The following NR4A3 variants were observed in gnomAD, a reference collection of about 807,000 sequenced individuals.
NR4A3 encodes chondrosarcoma, extraskeletal myxoid, fused to EWS.
A neutral mutation model predicts 55.6 loss-of-function variants in NR4A3; 13 were observed. The ratio of observed to expected loss-of-function variants is 0.23; its 90% CI spans 0.15 to 0.37. The LOEUF is 0.37. Ranked by LOEUF, NR4A3 falls within the 10% of genes least tolerant of loss-of-function variation. The probability of loss-of-function intolerance (pLI) is 1.00; values close to 1 mark genes in which losing one functional copy is unlikely to be tolerated. For missense variants in NR4A3, 646 were observed against 822.8 expected (o/e 0.79, Z 2.63); for synonymous variants, 342 against 357.9 (o/e 0.96, Z 0.50).
At chr9:99,861,608 C>CA (rs1564040750) in intron 7 of NR4A3, among the ~76,000 whole-genome samples, 1 of 152,182 alleles carries the variant, frequency 6.6e-6, no homozygotes, top group East Asian at 1.9e-4. Context: ...TCTCCTTTTA[C>CA]AGGGCCCCAA....
rs1209533874 is a variant in NR4A3, at chr9:99,847,600, C to T, written c.1618C>T (p.Leu540=). ...CCAAGCCTTAGCCTGCCTGTCAGCA[C>T]TGAGCATGATCACAGGTAAGCACCA... ...DIQALACLSA[L]SMITERHGLK... Residue 540 remains leucine, a synonymous_variant, in exon 7 of 8, where the codon CTG becomes TTG. Coordinates refer to ENST00000395097, the MANE Select transcript of NR4A3 (RefSeq NM_006981.4). 2.5e-6 allele frequency: 4 copies of T among 1,613,968 alleles called. No individual in the cohort carries two copies. The highest frequency in any genetic ancestry group is 2.7e-5 in the African/African-American group (2 of 74,912).
intron 3 of NR4A3, among the ~76,000 whole-genome samples, chr9:99,830,261 C>T (rs1047911317): frequency 3.9e-5 from 6 of 152,206 alleles, no homozygotes; most frequent in Non-Finnish European, 7.3e-5. Flanking sequence ...CCTTGATCTT[C>T]CACCTTCCAA....
In NR4A3 at chr9:99,863,915, G is replaced by A; in HGVS notation, c.*48G>A. On this transcript the variant is annotated 3_prime_UTR_variant, in exon 8 of 8. Transcript: ENST00000395097. ...CTGCCTCCTCTCCTAGCACCTGCTT[G>A]CTACGCAGCAAAGGGATAGGTTTGG... The A allele has an allele frequency of 6.4e-7, 1 of 1,571,634 alleles. No individual in the cohort carries two copies. Among genetic ancestry groups the A allele is most frequent in the South Asian group, 1.2e-5 (1 of 84,702 alleles).
At chr9:99,846,822 A>G (rs1055049305) in intron 6 of NR4A3, among the ~76,000 whole-genome samples, 3 of 152,184 alleles carry the variant, frequency 2.0e-5, no homozygotes, top group East Asian at 1.9e-4. Context: ...TAATTTTTGT[A>G]TTTTTAGTAG....
chr9:99,845,181 C>T (rs1433110955), intron 6 of NR4A3, among the ~76,000 whole-genome samples: 1 of 152,140 alleles, frequency 6.6e-6, no homozygotes, highest in African/African-American at 2.4e-5. Context: ...CTATGATTCT[C>T]GAAAGATTCT....
At position 99,828,202 on chromosome 9, in the gene NR4A3, T is replaced by A. The variant is rs1448180819; in HGVS notation, c.160T>A (p.Ser54Thr). The A allele has an allele frequency of 6.2e-7, 1 of 1,613,998 alleles. No individual in the cohort carries two copies. The change falls in exon 3 of 8, where the codon TCC becomes ACC. Residue 54 changes from serine (S) to threonine (T), a missense_variant. This residue lies in a region of NR4A3 where 426 missense variants were observed against 429.4 expected (regional missense o/e 0.99). Coordinates refer to ENST00000395097, the MANE Select transcript of NR4A3 (RefSeq NM_006981.4). The surrounding 1 kb of genome is among the most constrained non-coding windows in gnomAD (Gnocchi z 7.7). ...TGAGATCACGGCTACAGCCACCACG[T>A]CCCTGCCCAGCATCAGTACCTTCGT... ...STEITATATT[S>T]LPSISTFVEG... is the part of the protein sequence containing the mutation.
At chr9:99,830,536 G>A (rs938829427) in intron 3 of NR4A3, among the ~76,000 whole-genome samples, 3 of 152,188 alleles carry the variant, frequency 2.0e-5, no homozygotes, top group African/African-American at 7.2e-5. Context: ...ATTCTGCAGA[G>A]AAATGAGAAA....
At chr9:99,856,063 G>C (rs1444415945) in intron 7 of NR4A3, among the ~76,000 whole-genome samples, 1 of 152,146 alleles carries the variant, frequency 6.6e-6, no homozygotes, top group Non-Finnish European at 1.5e-5. Context: ...CTGGTTTCAT[G>C]GAAGACAATT....
chr9:99,846,635 C>T (rs181117314), intron 6 of NR4A3, among the ~76,000 whole-genome samples: 4 of 152,244 alleles, frequency 2.6e-5, no homozygotes, highest in Non-Finnish European at 5.9e-5. Context: ...CTGGCACTTA[C>T]AGGGACTTGA....
At position 99,836,232 on chromosome 9, in the gene NR4A3, C is replaced by CCTGTTA. The variant is rs749721504; in HGVS notation, c.1254+2778_1254+2779insCTGTTA. Among the ~76,000 whole-genome samples, 499 of 152,216 alleles carry CCTGTTA rather than the reference C, an allele frequency of 3.3e-3. 2 individuals are homozygous for CCTGTTA. The highest frequency in any genetic ancestry group is 5.0e-3 in the Non-Finnish European group (337 of 68,006). ...TTGGAACAGGAAGGGCTGAAACCAT[C>CCTGTTA]ACAAAGAAAGTTAACAAAAATAAAT... On this transcript the variant is annotated intron_variant, in intron 5 of 7. Transcript: ENST00000395097.
intron 5 of NR4A3, among the ~76,000 whole-genome samples, chr9:99,835,606 C>A (rs1486134501): frequency 6.6e-6 from 1 of 152,166 alleles, no homozygotes; most frequent in African/African-American, 2.4e-5. Context: ...TTTGAAAGCA[C>A]AATAGATGGT....
chr9:99,828,788 A>C lies in NR4A3; in HGVS notation c.746A>C (p.Lys249Thr). ...ESHPYGLPLAKRAAPLAFPPL... is the reference protein window; with the variant it reads ...ESHPYGLPLATRAAPLAFPPL... ...CACCCGTACGGGCTGCCGCTGGCCA[A>C]GAGGGCGGCCCCGCTGGCCTTCCCG... Residue 249 changes from lysine to threonine, a missense_variant, in exon 3 of 8, where the codon AAG becomes ACG. Physicochemically the swap from Lys to Thr is moderately conservative, Grantham distance 78 (BLOSUM62 -1). This residue lies in a region of NR4A3 where 426 missense variants were observed against 429.4 expected (regional missense o/e 0.99). Transcript: ENST00000395097. This position sits in a 1 kb window ranked among gnomAD's most constrained non-coding sequence, Gnocchi z 7.7. 6.8e-7 allele frequency: 1 copy of C among 1,460,750 alleles called. No homozygotes were observed. Among genetic ancestry groups the C allele is most frequent in the Non-Finnish European group, 9.0e-7 (1 of 1,109,858 alleles). 90.5% of individuals were successfully genotyped at this position (1,460,750 alleles called of 1,614,324 possible).
intron 7 of NR4A3, 42 bp downstream of exon 7, chr9:99,847,657 T>G: frequency 1.9e-6 from 3 of 1,587,900 alleles, no homozygotes; most frequent in Non-Finnish European, 2.6e-6. Context: ...ATTTCTCTCC[T>G]TCCCTTTGTT....
intron 3 of NR4A3, 78 bp downstream of exon 3, chr9:99,829,071 C>G: frequency 2.4e-6 from 3 of 1,251,330 alleles, no homozygotes; most frequent in South Asian, 5.8e-5. Flanking sequence ...TAGGAGCATC[C>G]TTGTTCTTCC....
chr9:99,824,213 C>T (rs1419198523), intron 1 of NR4A3, among the ~76,000 whole-genome samples: 2 of 152,126 alleles, frequency 1.3e-5, no homozygotes, highest in African/African-American at 4.8e-5. Context: ...GGAGGAAAGG[C>T]TGTGTGGGTC....
intron 7 of NR4A3, among the ~76,000 whole-genome samples, chr9:99,856,989 T>A (rs1278174163): frequency 6.6e-6 from 1 of 152,250 alleles, no homozygotes; most frequent in Non-Finnish European, 1.5e-5. Context: ...TTATTTTGTT[T>A]AATGTTGCTT....
intron 5 of NR4A3, among the ~76,000 whole-genome samples, chr9:99,838,087 G>A (rs377398419): frequency 1.1e-4 from 17 of 152,136 alleles, no homozygotes; most frequent in Non-Finnish European, 1.6e-4. Context: ...AACATGTCAC[G>A]TTTGATTTGT....
In NR4A3 at chr9:99,833,467, A is replaced by C. The variant is rs139234134; in HGVS notation, c.1254+13A>C. ...TGATTATTCCAGAGTAAGTTTTATG[A>C]TTTCCTGCTTTCAAATGAATGATCA... On this transcript the variant is annotated intron_variant, in intron 5 of 7. Transcript: ENST00000395097. 9.2e-5 allele frequency: 149 copies of C among 1,614,048 alleles called. No individual in the cohort carries two copies. The African/African-American group carries it at 1.8e-3, about 19-fold the overall frequency.
At chr9:99,824,580 C>T (rs1827256422) in intron 1 of NR4A3, among the ~76,000 whole-genome samples, 1 of 152,202 alleles carries the variant, frequency 6.6e-6, no homozygotes. Flanking sequence ...AGCCCCGAGT[C>T]CCTTTCTCTC....
Sources: allele counts gnomAD v4.1 joint callset (sites outside exome capture counted in the v4.1 genomes callset), GRCh38; gene constraint gnomAD v4.1.1; regional missense constraint gnomAD v4.1.1; non-coding constraint Gnocchi (gnomAD v3.1); transcripts MANE v1.5; gene names NCBI Gene and HGNC (gene_info 2026-07-23, HGNC 2026-07-21).